THAP6: variants seen among roughly 807,000 people sequenced by gnomAD.
The protein encoded by THAP6 is THAP domain containing 6.
In THAP6, 13 loss-of-function variants were observed where a neutral mutation model predicts 20.0. The observed-to-expected ratio is 0.65, with a 90% CI of 0.42 to 1.03. The LOEUF (loss-of-function observed/expected upper bound fraction) is 1.03, where lower values mean the gene tolerates loss of function less well. Among genes scored for constraint, THAP6 ranks in the 50% least tolerant of loss-of-function variants. The pLI is 0.00. For missense variants in THAP6, 262 were observed against 261.6 expected (o/e 1.00, Z -0.01); for synonymous variants, 93 against 92.2 (o/e 1.01, Z -0.05).
Position 75,529,562 on chromosome 4 carries a change from T to A in THAP6, c.*2348T>A, listed in dbSNP as rs1349348922. The A allele has an allele frequency of 3.0e-6, 3 of 985,326 alleles. No homozygotes were observed. The highest frequency in any genetic ancestry group is 2.4e-6 in the Non-Finnish European group (2 of 829,964). 61.0% of individuals were successfully genotyped at this position (985,326 alleles called of 1,614,324 possible). On this transcript the variant is annotated 3_prime_UTR_variant, in exon 5 of 5. Coordinates refer to ENST00000311638, the MANE Select transcript of THAP6 (RefSeq NM_144721.6). Reference sequence around the variant, plus strand: ...TTAAAAATAGGGTCCTCCCTGCTGCTCCAAACAAATGCCTAAACACAGTAT... The same window carrying A: ...TTAAAAATAGGGTCCTCCCTGCTGCACCAAACAAATGCCTAAACACAGTAT...
chr4:75,542,520 T>A, intron 3 of THAP6: 1 of 698,908 alleles, frequency 1.4e-6, no homozygotes, highest in Non-Finnish European at 2.6e-6. Context: ...TTAAACTTTA[T>A]TAACTCATTT....
chr4:75,527,744 C>T lies in THAP6; in HGVS notation c.*530C>T. The T allele has an allele frequency of 1.0e-6, 1 of 988,830 alleles. No individual in the cohort carries two copies. Among genetic ancestry groups the T allele is most frequent in the Non-Finnish European group, 1.2e-6 (1 of 832,072 alleles). The allele number at this position is 988,830 out of a possible 1,614,324, so 61.3% of individuals were successfully genotyped here. ...TTTACAAGGCTTCCTGTGGTATTGACTCTGAGAATAACACATAGTGAAGAT... is the reference window on the plus strand; with the variant it reads ...TTTACAAGGCTTCCTGTGGTATTGATTCTGAGAATAACACATAGTGAAGAT... On this transcript the variant is annotated 3_prime_UTR_variant, in exon 5 of 5. Transcript: ENST00000311638.
At chr4:75,540,259 G>A (rs1281125924) in intron 2 of THAP6, among the ~76,000 whole-genome samples, 1 of 152,182 alleles carries the variant, frequency 6.6e-6, no homozygotes, top group East Asian at 1.9e-4. Flanking sequence ...ATTTAGCTCA[G>A]TCAATTTTTT....
chr4:75,517,097 C>T, intron 3 of THAP6, 118 bp downstream of exon 3: 2 of 710,684 alleles, frequency 2.8e-6, no homozygotes, highest in Non-Finnish European at 4.5e-6. Flanking sequence ...CAGCTCACTG[C>T]AATCTCTGCC....
intron 3 of THAP6, chr4:75,544,347 C>T (rs1205087691): frequency 6.6e-6 from 1 of 152,132 alleles, no homozygotes; most frequent in East Asian, 1.9e-4. Context: ...CTCACTCCAT[C>T]ACCCAGGCTG....
At position 75,539,361 on chromosome 4, in the gene THAP6, G is replaced by A. The variant is rs149347857; in HGVS notation, c.166-3048G>A. On this transcript the variant is annotated intron_variant, in intron 2 of 4. Transcript: ENST00000502620. The stretch of plus-strand genomic sequence containing the variant: ...ATAACCCATCACATATACTGCTTTC[G>A]AAGCCCCATACGATAGTGTGAGAGA... 6.2e-3 allele frequency among the ~76,000 whole-genome samples: 938 copies of A among 152,164 alleles called. 6 individuals carry two copies. The highest frequency in any genetic ancestry group is 0.014 in the Middle Eastern group (4 of 292).
chr4:75,532,458 C>T (rs1235638542), downstream of THAP6, among the ~76,000 whole-genome samples: 3 of 152,222 alleles, frequency 2.0e-5, no homozygotes, highest in Non-Finnish European at 1.5e-5. Context: ...TTTCCAGGCT[C>T]ACAGTGCAAG....
intron 3 of THAP6, 51 bp from the exon 4 acceptor site, chr4:75,521,685 G>C (rs1726037443): frequency 1.3e-6 from 2 of 1,503,368 alleles, no homozygotes; most frequent in Non-Finnish European, 1.8e-6. Context: ...AAAAATTTAA[G>C]AAAGAACAAA....
intron 3 of THAP6, chr4:75,517,454 G>A (rs1173567048): frequency 6.5e-6 from 1 of 153,786 alleles, no homozygotes; most frequent in Non-Finnish European, 1.4e-5. Flanking sequence ...ATGTGTAGTA[G>A]GAGTATTTTA....
At chr4:75,542,760 C>G (rs918677738) in intron 3 of THAP6, 4 of 287,154 alleles carry the variant, frequency 1.4e-5, no homozygotes, top group African/African-American at 8.7e-5. Flanking sequence ...TTCTGGAGAC[C>G]CAGAGACTTT....
At chr4:75,521,221 A>G (rs562400207) in intron 3 of THAP6, among the ~76,000 whole-genome samples, 1 of 151,688 alleles carries the variant, frequency 6.6e-6, no homozygotes, top group Non-Finnish European at 1.5e-5. Flanking sequence ...CTTTAAGATT[A>G]TATAAATATT....
chr4:75,521,574 G>A (rs1358663017), intron 3 of THAP6, among the ~76,000 whole-genome samples, 162 bp from the exon 4 acceptor site: 1 of 151,998 alleles, frequency 6.6e-6, no homozygotes, highest in Non-Finnish European at 1.5e-5. Context: ...ATTTCAGAAA[G>A]TTCTTTTAAA....
At chr4:75,516,299 C>CA (rs1725626131) in intron 2 of THAP6, among the ~76,000 whole-genome samples, 1 of 152,200 alleles carries the variant, frequency 6.6e-6, no homozygotes, top group African/African-American at 2.4e-5. Context: ...TCTCTGCATT[C>CA]ATTCACTAAG....
rs752873556 is a variant in THAP6 at position 75,521,835 on chromosome 4, G to A, written c.388G>A (p.Glu130Lys). The A allele has an allele frequency of 1.9e-6, 3 of 1,613,246 alleles. No individual in the cohort carries two copies. Among genetic ancestry groups the A allele is most frequent in the African/African-American group, 2.7e-5 (2 of 74,874 alleles). ...HHLVGASSCI[E>K]EFQSQFIFEH... ...TCTTGTTGGTGCTTCCTCATGTATT[G>A]AAGAATTCCAATCCCAGTTCATTTT... The change falls in exon 4 of 5, where the codon GAA (glutamate) becomes AAA (lysine). Residue 130 changes from glutamate (E) to lysine (K), a missense_variant. Transcript: ENST00000311638.
chr4:75,528,641 A>C lies in THAP6; in HGVS notation c.*1427A>C, dbSNP rs915130695. The C allele has an allele frequency of 1.0e-6, 1 of 985,162 alleles. No individual in the cohort carries two copies. The highest frequency in any genetic ancestry group is 1.2e-6 in the Non-Finnish European group (1 of 829,750). The allele number at this position is 985,162 out of a possible 1,614,324, so 61.0% of individuals were successfully genotyped here. Reference sequence around the variant, plus strand: ...TGTTATACTTTTATGTAGGATTCCAAACCTTCCCTCTAAATGGGATTTAAC... The same window carrying C: ...TGTTATACTTTTATGTAGGATTCCACACCTTCCCTCTAAATGGGATTTAAC... On this transcript the variant is annotated 3_prime_UTR_variant, in exon 5 of 5. Coordinates refer to ENST00000311638, the MANE Select transcript of THAP6 (RefSeq NM_144721.6).
chr4:75,532,127 G>A (rs186836044), downstream of THAP6, among the ~76,000 whole-genome samples: 645 of 152,112 alleles, frequency 4.2e-3, 3 homozygotes, highest in African/African-American at 0.015. Context: ...ATTCCCTTCC[G>A]CCTATGAGCC....
intron 3 of THAP6, among the ~76,000 whole-genome samples, chr4:75,543,592 G>A (rs139356222): frequency 3.3e-5 from 5 of 152,332 alleles, no homozygotes; most frequent in Admixed American, 3.3e-4. Context: ...ATAAATATCT[G>A]TGGCCATAGG....
intron 3 of THAP6, chr4:75,542,647 G>A (rs1384381840): frequency 7.1e-6 from 4 of 561,670 alleles, no homozygotes; most frequent in African/African-American, 1.9e-5. Context: ...CTGGTATAAC[G>A]ATGTCTTCAT....
intron 2 of THAP6, among the ~76,000 whole-genome samples, chr4:75,516,296 A>G (rs1407365465): frequency 6.6e-6 from 1 of 152,210 alleles, no homozygotes; most frequent in East Asian, 1.9e-4. Flanking sequence ...TATTCTCTGC[A>G]TTCATTCACT....
Sources: allele counts gnomAD v4.1 joint callset (sites outside exome capture counted in the v4.1 genomes callset), GRCh38; gene constraint gnomAD v4.1.1; transcripts MANE v1.5; gene names NCBI Gene and HGNC (gene_info 2026-07-23, HGNC 2026-07-21).